The following LUZP2 variants were observed in gnomAD, a reference collection of about 807,000 sequenced individuals.
LUZP2 encodes leucine zipper protein 2.
In LUZP2, 52 loss-of-function variants were observed where a neutral mutation model predicts 51.6. That is an observed-to-expected ratio of 1.01 (90% CI 0.81 to 1.27). The LOEUF is 1.27. Among genes scored for constraint, LUZP2 ranks in the 50% most tolerant of loss-of-function variants. The pLI is 0.00. For missense variants in LUZP2, 436 were observed against 395.4 expected (o/e 1.10, Z -0.87); for synonymous variants, 154 against 137.3 (o/e 1.12, Z -0.85).
At chr11:25,036,061 G>A (rs1857849930) in intron 9 of LUZP2, among the ~76,000 whole-genome samples, 1 of 152,064 alleles carries the variant, frequency 6.6e-6, no homozygotes, top group South Asian at 2.1e-4. Flanking sequence ...TTCTTTGTAT[G>A]TCTGCTAAAA....
intron 5 of LUZP2, among the ~76,000 whole-genome samples, chr11:24,837,545 A>G: frequency 6.6e-6 from 1 of 151,764 alleles, no homozygotes; most frequent in East Asian, 1.9e-4. Context: ...GCATTTTTAA[A>G]ATAACTTGTG....
chr11:24,937,512 T>C (rs1215495151), intron 7 of LUZP2, among the ~76,000 whole-genome samples: 2 of 152,184 alleles, frequency 1.3e-5, no homozygotes, highest in East Asian at 3.9e-4. Flanking sequence ...CAATGAATTG[T>C]TTTATTTTTT....
chr11:24,522,383 G>A (rs552463157), intron 1 of LUZP2, among the ~76,000 whole-genome samples: 1 of 151,564 alleles, frequency 6.6e-6, no homozygotes, highest in Non-Finnish European at 1.5e-5. Context: ...CTTGAAAGAA[G>A]CAAAATCTGT....
chr11:24,756,567 T>G (rs1300841311), intron 4 of LUZP2, among the ~76,000 whole-genome samples: 2 of 152,152 alleles, frequency 1.3e-5, no homozygotes, highest in Admixed American at 1.3e-4. Flanking sequence ...CTTTCCGAGC[T>G]GTGTTTCCCT....
intron 5 of LUZP2, among the ~76,000 whole-genome samples, chr11:24,888,288 T>C (rs990969809): frequency 2.0e-5 from 3 of 152,112 alleles, no homozygotes; most frequent in Admixed American, 2.0e-4. Context: ...CTGTACAAAG[T>C]CCTTCCAATA....
At chr11:24,809,798 G>C (rs556685664) in intron 5 of LUZP2, among the ~76,000 whole-genome samples, 73 of 152,080 alleles carry the variant, frequency 4.8e-4, no homozygotes, top group African/African-American at 1.6e-3. Context: ...TTATGAAGTG[G>C]TTAGATTTGC....
chr11:24,594,170 A>G (rs1185592724), intron 1 of LUZP2, among the ~76,000 whole-genome samples: 1 of 152,232 alleles, frequency 6.6e-6, no homozygotes. Flanking sequence ...GAAAAATTTC[A>G]ATCAAGACAG....
chr11:24,827,825 C>G (rs934785138), intron 5 of LUZP2, among the ~76,000 whole-genome samples: 1 of 152,074 alleles, frequency 6.6e-6, no homozygotes, highest in African/African-American at 2.4e-5. Flanking sequence ...CTCTTAGTGA[C>G]TGTCTTTAGA....
In LUZP2 at chr11:25,079,716, G is replaced by A. The variant is rs1468205673; in HGVS notation, c.*1058G>A. 6.6e-6 allele frequency: 1 copy of A among 152,106 alleles called. No individual in the cohort carries two copies. The highest frequency in any genetic ancestry group is 1.5e-5 in the Non-Finnish European group (1 of 67,996). 9.4% of individuals were successfully genotyped at this position (152,106 alleles called of 1,614,324 possible). A position where few individuals can be genotyped will look rare whatever the true frequency, so the allele number is the denominator to read the frequency against. On this transcript the variant is annotated 3_prime_UTR_variant, in exon 12 of 12. Coordinates refer to ENST00000336930, the MANE Select transcript of LUZP2 (RefSeq NM_001009909.4). ...CCTTGAATAATTATCTGATTAATAG[G>A]TTTCATAGGGCATTCAAAGTTGCAG...
chr11:24,673,586 C>G (rs972599853), intron 1 of LUZP2, among the ~76,000 whole-genome samples: 3 of 152,090 alleles, frequency 2.0e-5, no homozygotes, highest in South Asian at 2.1e-4. Context: ...ATTGAGAAAC[C>G]CTGTCTTGAA....
intron 1 of LUZP2, among the ~76,000 whole-genome samples, chr11:24,657,013 C>A (rs751561756): frequency 2.0e-5 from 3 of 152,130 alleles, no homozygotes; most frequent in Non-Finnish European, 4.4e-5. Context: ...AGCTGGAGGG[C>A]AGGATGGAGA....
chr11:24,512,873 C>T (rs1396142750), intron 1 of LUZP2, among the ~76,000 whole-genome samples: 1 of 152,010 alleles, frequency 6.6e-6, no homozygotes, highest in Non-Finnish European at 1.5e-5. Flanking sequence ...CCTCAGCCCC[C>T]CGAGTAGCTG....
chr11:24,698,825 G>T (rs1282345858), intron 1 of LUZP2, among the ~76,000 whole-genome samples: 1 of 152,046 alleles, frequency 6.6e-6, no homozygotes, highest in Non-Finnish European at 1.5e-5. Flanking sequence ...GAAGGCTGAG[G>T]CAGGTGAATT....
intron 7 of LUZP2, among the ~76,000 whole-genome samples, chr11:24,960,459 T>A (rs1250062078): frequency 7.1e-6 from 1 of 141,520 alleles, no homozygotes; most frequent in Non-Finnish European, 1.6e-5. Flanking sequence ...AGATTCAACT[T>A]CTTCCTGGTT....
chr11:24,514,660 ATTTATTAGTT>A (rs1440892840), intron 1 of LUZP2, among the ~76,000 whole-genome samples: 1 of 144,016 alleles, frequency 6.9e-6, no homozygotes, highest in East Asian at 2.0e-4. Context: ...AATTTTCTTA[ATTTATTAGTT>A]TTTTTTCTTT....
chr11:24,685,615 A>G (rs187615000), intron 1 of LUZP2, among the ~76,000 whole-genome samples: 5 of 152,256 alleles, frequency 3.3e-5, no homozygotes, highest in Non-Finnish European at 4.4e-5. Context: ...CCCGCCCAAC[A>G]AAGCCTACTT....
intron 1 of LUZP2, among the ~76,000 whole-genome samples, chr11:24,596,753 C>A (rs1040146958): frequency 2.6e-5 from 4 of 152,130 alleles, no homozygotes; most frequent in African/African-American, 9.7e-5. Flanking sequence ...CAGTTCTTGG[C>A]TGAGGAATCA....
intron 9 of LUZP2, among the ~76,000 whole-genome samples, chr11:25,025,716 CT>C (rs1211595527): frequency 6.6e-6 from 1 of 152,078 alleles, no homozygotes; most frequent in Non-Finnish European, 1.5e-5. Context: ...TAGTTCAACC[CT>C]TGTGGAAGAC....
At chr11:24,967,992 T>A (rs897385704) in intron 7 of LUZP2, among the ~76,000 whole-genome samples, 1 of 152,174 alleles carries the variant, frequency 6.6e-6, no homozygotes, top group Non-Finnish European at 1.5e-5. Context: ...ATATTTTTAA[T>A]TGTTGTTCTA....
Sources: gnomAD v4.1 joint callset for allele counts (sites outside exome capture counted in the v4.1 genomes callset) on GRCh38, gnomAD v4.1.1 for gene constraint, MANE v1.5 for transcripts, NCBI Gene and HGNC (gene_info 2026-07-23, HGNC 2026-07-21) for gene names.